Variants in SNTG1 observed in about 807,000 individuals in gnomAD.
The protein encoded by SNTG1 is gamma-1-syntrophin.
SNTG1 carries 39 observed loss-of-function variants against 74.7 expected under a neutral mutation model. The ratio of observed to expected loss-of-function variants is 0.52; its 90% CI spans 0.40 to 0.68. The LOEUF is 0.68. Among genes scored for constraint, SNTG1 ranks in the 30% least tolerant of loss-of-function variants. The probability of loss-of-function intolerance (pLI) is 0.00; values close to 1 mark genes in which losing one functional copy is unlikely to be tolerated. For synonymous variants in SNTG1, 254 were observed against 217.1 expected (o/e 1.17, Z -1.49); for missense variants, 685 against 609.5 (o/e 1.12, Z -1.30).
chr8:49,949,528 A>C (rs1012503369), intron 1 of SNTG1, among the ~76,000 whole-genome samples: 1 of 152,286 alleles, frequency 6.6e-6, no homozygotes. Context: ...AATTATTTGG[A>C]GTGAACTTTA....
intron 2 of SNTG1, among the ~76,000 whole-genome samples, chr8:50,255,442 A>G (rs2086838135): frequency 6.6e-6 from 1 of 152,190 alleles, no homozygotes. Context: ...AGTGGCACTC[A>G]GTAGGTGGCT....
intron 18 of SNTG1, among the ~76,000 whole-genome samples, chr8:50,791,737 C>T (rs1188475274): frequency 6.6e-6 from 1 of 151,608 alleles, no homozygotes; most frequent in African/African-American, 2.4e-5. Flanking sequence ...TGCTTTATTA[C>T]CCTCTAGTTA....
intron 1 of SNTG1, among the ~76,000 whole-genome samples, chr8:50,074,926 G>C (rs891006158): frequency 6.6e-6 from 1 of 152,180 alleles, no homozygotes; most frequent in South Asian, 2.1e-4. Flanking sequence ...GTTCGGGGTG[G>C]GCATCCTCTC....
At chr8:49,990,400 A>T (rs1394924823) in intron 1 of SNTG1, among the ~76,000 whole-genome samples, 1 of 152,048 alleles carries the variant, frequency 6.6e-6, no homozygotes, top group Non-Finnish European at 1.5e-5. Flanking sequence ...TTGGTTACTT[A>T]TACAATTTTG....
chr8:49,964,281 T>C (rs1017582568), intron 1 of SNTG1, among the ~76,000 whole-genome samples: 1 of 152,214 alleles, frequency 6.6e-6, no homozygotes, highest in African/African-American at 2.4e-5. Context: ...GAGGGAGTCT[T>C]GCCACATACT....
chr8:50,462,794 CTCTTTTTTTTTTTTTTTTTTTTTTTTTTT>C (rs1275851157), intron 8 of SNTG1, among the ~76,000 whole-genome samples: 2 of 43,626 alleles, frequency 4.6e-5, no homozygotes, highest in Non-Finnish European at 9.3e-5. Flanking sequence ...TCAGGTTCTA[CTCTTTTTTTTTTTTTTTTTTTTTTTTTTT>C]TTTTTTTTTT....
chr8:50,579,668 C>T (rs1320197993), intron 12 of SNTG1, among the ~76,000 whole-genome samples: 1 of 152,156 alleles, frequency 6.6e-6, no homozygotes, highest in African/African-American at 2.4e-5. Context: ...AAAAAGGGGG[C>T]CAATGCGCAG....
At chr8:49,999,001 T>C (rs978444317) in intron 1 of SNTG1, among the ~76,000 whole-genome samples, 5 of 152,124 alleles carry the variant, frequency 3.3e-5, no homozygotes, top group Non-Finnish European at 7.3e-5. Context: ...TGTAATGCAT[T>C]GCTTGACACT....
At chr8:50,064,230 C>G (rs563395397) in intron 1 of SNTG1, among the ~76,000 whole-genome samples, 5 of 152,116 alleles carry the variant, frequency 3.3e-5, no homozygotes, top group Non-Finnish European at 7.4e-5. Flanking sequence ...AGCTTTGATT[C>G]CCATATTCAT....
chr8:49,975,355 A>G (rs577650494), intron 1 of SNTG1, among the ~76,000 whole-genome samples: 37 of 152,246 alleles, frequency 2.4e-4, no homozygotes, highest in African/African-American at 8.2e-4. Flanking sequence ...ATACCCGATT[A>G]TCTTTGCCTT....
rs569144592 is a variant in SNTG1 at position 50,581,285 on chromosome 8, TAAG to T, written c.811-9593_811-9591del. 4.2e-3 allele frequency among the ~76,000 whole-genome samples: 647 copies of T among 152,300 alleles called. 9 individuals are homozygous for T. The highest frequency in any genetic ancestry group is 0.014 in the African/African-American group (586 of 41,568). Reference sequence around the variant, plus strand: ...GATCACTTGCAGAAGTCACCAGTGATAAGGAGTGACAAGATGCTAGGAAATCCT... The same window carrying T: ...GATCACTTGCAGAAGTCACCAGTGATGAGTGACAAGATGCTAGGAAATCCT... On this transcript the variant is annotated intron_variant, in intron 12 of 18. Coordinates refer to ENST00000642720, the MANE Select transcript of SNTG1 (RefSeq NM_018967.5).
chr8:50,487,704 G>T (rs1377853971), intron 8 of SNTG1, among the ~76,000 whole-genome samples: 1 of 149,912 alleles, frequency 6.7e-6, no homozygotes, highest in African/African-American at 2.4e-5. Context: ...GGAGGGGGGG[G>T]AGGGATAGCA....
chr8:50,704,621 C>T lies in SNTG1; in HGVS notation c.1060C>T (p.Arg354Trp), dbSNP rs756659910. 17 of 1,614,064 alleles carry T rather than the reference C, an allele frequency of 1.1e-5. No individual in the cohort carries two copies. The highest frequency in any genetic ancestry group is 1.7e-5 in the Admixed American group (1 of 60,008). Residue 354 changes from arginine to tryptophan, a missense_variant, in exon 16 of 19, where the codon CGG (arginine) becomes TGG (tryptophan). Coordinates refer to ENST00000642720, the MANE Select transcript of SNTG1 (RefSeq NM_018967.5). ...CCAGGACAGTGACCTGCTGGACCGA[C>T]GGAAACAGTGCTTCACCGTGCAGTC... Reference protein sequence around the residue: ...ILKDSDLLDRRKQCFTVQSES... With the variant: ...ILKDSDLLDRWKQCFTVQSES...
intron 2 of SNTG1, among the ~76,000 whole-genome samples, chr8:50,196,385 G>A (rs1283670785): frequency 1.3e-5 from 2 of 152,152 alleles, no homozygotes; most frequent in Non-Finnish European, 2.9e-5. Flanking sequence ...AATGCACAAT[G>A]AATAATCATG....
rs889618991 is a variant in SNTG1, at chr8:50,276,975, A to G, written c.-28+104340A>G. Among the ~76,000 whole-genome samples, 3 of 151,968 alleles carry G rather than the reference A, an allele frequency of 2.0e-5. No individual in the cohort carries two copies. The East Asian group carries it at 5.8e-4, about 29-fold the overall frequency. On this transcript the variant is annotated intron_variant, in intron 2 of 18. Coordinates refer to ENST00000642720, the MANE Select transcript of SNTG1 (RefSeq NM_018967.5). ...CTCCCAAGTAGCTGAGACTACAGGC[A>G]CCCACCACCACGCCTGGCTAATTTT...
intron 17 of SNTG1, among the ~76,000 whole-genome samples, chr8:50,717,448 C>A (rs142642815): frequency 6.6e-6 from 1 of 152,206 alleles, no homozygotes; most frequent in East Asian, 1.9e-4. Flanking sequence ...TTCCTTACAG[C>A]GTTATTCTAA....
chr8:50,116,147 G>A (rs370248704), intron 1 of SNTG1, among the ~76,000 whole-genome samples: 12 of 152,008 alleles, frequency 7.9e-5, no homozygotes, highest in African/African-American at 1.9e-4. Context: ...AAGAAAATAC[G>A]CTATAGGCAG....
intron 13 of SNTG1, among the ~76,000 whole-genome samples, chr8:50,615,158 C>T (rs1180328664): frequency 6.6e-6 from 1 of 151,994 alleles, no homozygotes; most frequent in African/African-American, 2.4e-5. Context: ...GACGGGGTTT[C>T]ACCAGTTTAG....
At chr8:50,272,303 T>C (rs1280635565) in intron 2 of SNTG1, among the ~76,000 whole-genome samples, 2 of 152,208 alleles carry the variant, frequency 1.3e-5, no homozygotes, top group African/African-American at 2.4e-5. Context: ...ACAGGAGATA[T>C]TCTTCTGGGA....
Sources: gnomAD v4.1 joint callset for allele counts (sites outside exome capture counted in the v4.1 genomes callset) on GRCh38, gnomAD v4.1.1 for gene constraint, MANE v1.5 for transcripts, NCBI Gene and HGNC (gene_info 2026-07-23, HGNC 2026-07-21) for gene names.